Variants in KLC4 observed in about 807,000 individuals in gnomAD.
The protein encoded by KLC4 is kinesin-like protein 8.
KLC4 carries 49 observed loss-of-function variants against 77.2 expected under a neutral mutation model. The ratio of observed to expected loss-of-function variants is 0.63; its 90% CI spans 0.50 to 0.80. The LOEUF (loss-of-function observed/expected upper bound fraction) is 0.80, where lower values mean the gene tolerates loss of function less well. Among genes scored for constraint, KLC4 ranks in the 30% least tolerant of loss-of-function variants. The probability of loss-of-function intolerance (pLI) is 0.00; values close to 1 mark genes in which losing one functional copy is unlikely to be tolerated. For missense variants in KLC4, 669 were observed against 793.5 expected, an observed-to-expected ratio of 0.84 and a Z score of 1.89; for synonymous variants, 274 against 314.5, an observed-to-expected ratio of 0.87 and a Z score of 1.36.
intron 1 of KLC4, 27 bp from the exon 2 acceptor site, chr6:43,061,284 C>T: frequency 1.3e-6 from 2 of 1,594,252 alleles, no homozygotes; most frequent in Non-Finnish European, 1.7e-6. Flanking sequence ...ATCTTTACAC[C>T]AGCTGAACTC....
intron 2 of KLC4, 150 bp downstream of exon 2, chr6:43,061,743 G>T: frequency 1.2e-6 from 1 of 827,134 alleles, no homozygotes; most frequent in Non-Finnish European, 1.8e-6. Flanking sequence ...GTGCCAGAAT[G>T]CTTTTGGGCA....
chr6:43,071,239 G>T, intron 8 of KLC4, 36 bp from the exon 9 acceptor site: 249 of 1,034,374 alleles, frequency 2.4e-4, no homozygotes, highest in Middle Eastern at 5.3e-4. Flanking sequence ...CTCCCTCCAT[G>T]TTTTGTTCCT....
chr6:43,065,061 G>A (rs896370369), intron 3 of KLC4, among the ~76,000 whole-genome samples: 2 of 151,982 alleles, frequency 1.3e-5, no homozygotes, highest in Non-Finnish European at 2.9e-5. Context: ...GGTTAGAAAG[G>A]AAACTTTTTT....
chr6:43,061,165 C>G, intron 1 of KLC4, 146 bp from the exon 2 acceptor site: 1 of 795,466 alleles, frequency 1.3e-6, no homozygotes, highest in Non-Finnish European at 2.0e-6. Flanking sequence ...AAGCTCCCTG[C>G]CTGCTGGTCA....
Position 43,066,305 on chromosome 6 carries a change from G to C in KLC4, c.572-1G>C. ...TTTGTTTATGTTCTGTGATGGTTTA[G>C]TGTCCCGTGGTCAAGGTGCTACAGC... On this transcript the variant is annotated splice_acceptor_variant, in intron 4 of 15. Coordinates refer to ENST00000347162, the MANE Select transcript of KLC4 (RefSeq NM_201521.3). LOFTEE classifies it high-confidence loss of function. 6.2e-7 allele frequency: 1 copy of C among 1,613,394 alleles called. No homozygotes were observed. The highest frequency in any genetic ancestry group is 8.5e-7 in the Non-Finnish European group (1 of 1,179,328).
chr6:43,071,738 G>A, intron 10 of KLC4, 114 bp from the exon 11 acceptor site: 3 of 1,435,940 alleles, frequency 2.1e-6, no homozygotes, highest in South Asian at 2.4e-5. Flanking sequence ...GATGCATGGT[G>A]TCCTCCCCAG....
intron 3 of KLC4, among the ~76,000 whole-genome samples, chr6:43,063,523 C>A (rs1212844349): frequency 1.3e-5 from 2 of 151,972 alleles, no homozygotes; most frequent in Non-Finnish European, 2.9e-5. Context: ...TTGAGCATGA[C>A]CCTCCTAAAA....
In KLC4 at chr6:43,073,684, C is replaced by G. The variant is rs560320595; in HGVS notation, c.1746-218C>G. On this transcript the variant is annotated intron_variant, in intron 14 of 15. Coordinates refer to ENST00000347162, the MANE Select transcript of KLC4 (RefSeq NM_201521.3). ...GAAAAAAAAAAAAGATATGGTAAAGCAGGCAAGTAAAGTAAGCCCTTGCCT... is the reference window on the plus strand; with the variant it reads ...GAAAAAAAAAAAAGATATGGTAAAGGAGGCAAGTAAAGTAAGCCCTTGCCT... 3.0e-5 allele frequency: 17 copies of G among 571,942 alleles called. No individual in the cohort carries two copies. In the African/African-American group the frequency reaches 3.3e-4, roughly 11 times the overall value. The allele number at this position is 571,942 out of a possible 1,614,324, so 35.4% of individuals were successfully genotyped here. A position where few individuals can be genotyped will look rare whatever the true frequency, so the allele number is the denominator to read the frequency against.
At chr6:43,069,327 C>T (rs1219243641) in intron 6 of KLC4, among the ~76,000 whole-genome samples, 2 of 152,174 alleles carry the variant, frequency 1.3e-5, no homozygotes, top group East Asian at 1.9e-4. Flanking sequence ...TCACTGTAAT[C>T]TCTGCCTCCC....
At chr6:43,074,173 A>G (rs1431109291) in intron 15 of KLC4, among the ~76,000 whole-genome samples, 1 of 152,216 alleles carries the variant, frequency 6.6e-6, no homozygotes, top group Non-Finnish European at 1.5e-5. Context: ...ATAGTAGCAA[A>G]TAAGTTAATA....
rs760988041 is a variant in KLC4 at position 43,063,104 on chromosome 6, TC to T, written c.448del (p.Leu150TrpfsTer69). On this transcript the variant is annotated frameshift_variant, in exon 3 of 16. Transcript: ENST00000347162. LOFTEE classifies it high-confidence loss of function. ...GAGGAGGAAAAGAAGCACCTGGAGT[TC>T]CTGGGGCAGCTGCGGCAGTATGATG... ...QLEEEKKHLE[F>X]LGQLRQYDED... The T allele has an allele frequency of 6.2e-7, 1 of 1,614,040 alleles. No homozygotes were observed. The highest frequency in any genetic ancestry group is 8.5e-7 in the Non-Finnish European group (1 of 1,179,980).
chr6:43,059,807 C>T (rs1765039352), intron 1 of KLC4, 122 bp downstream of exon 1: 1 of 1,172,690 alleles, frequency 8.5e-7, no homozygotes, highest in Admixed American at 4.3e-5. Context: ...GCCTCCAAAA[C>T]TCCGCCCTTC....
chr6:43,061,935 G>T (rs188058272), intron 2 of KLC4, among the ~76,000 whole-genome samples: 93 of 152,282 alleles, frequency 6.1e-4, no homozygotes, highest in African/African-American at 2.0e-3. Context: ...TGGGGAGAGG[G>T]TATAATTTTA....
intron 6 of KLC4, among the ~76,000 whole-genome samples, chr6:43,067,641 C>CA (rs1252822145): frequency 6.7e-6 from 1 of 148,684 alleles, no homozygotes; most frequent in Admixed American, 6.7e-5. Context: ...AAAAAAAATA[C>CA]AAAAAATGCC....
At chr6:43,071,830 C>T (rs1418941985) in intron 10 of KLC4, 22 bp from the exon 11 acceptor site, 1 of 1,608,802 alleles carries the variant, frequency 6.2e-7, no homozygotes, top group Non-Finnish European at 8.5e-7. Flanking sequence ...GCCCTTCTTT[C>T]TGGCCTCTCT....
In KLC4 at chr6:43,072,191, G is replaced by A. The variant is rs967750343; in HGVS notation, c.1424G>A (p.Arg475Lys). The change falls in exon 12 of 16, where the codon AGG becomes AAG. Residue 475 changes from arginine (R) to lysine (K), a missense_variant. Physicochemically the swap from Arg to Lys is conservative, Grantham distance 26. Transcript: ENST00000347162. ...CTGAGAAACCTGGGAGCTCTGTATAGGCGCCAGGGAAAGCTGGAGGCTGCT... is the reference window on the plus strand; with the variant it reads ...CTGAGAAACCTGGGAGCTCTGTATAAGCGCCAGGGAAAGCTGGAGGCTGCT... ...TTLRNLGALY[R>K]RQGKLEAAET... 6.2e-7 allele frequency: 1 copy of A among 1,614,162 alleles called. No homozygotes were observed. Among genetic ancestry groups the A allele is most frequent in the Non-Finnish European group, 8.5e-7 (1 of 1,180,020 alleles).
intron 2 of KLC4, chr6:43,062,702 T>C (rs1765223500): frequency 1.7e-6 from 1 of 580,528 alleles, no homozygotes; most frequent in African/African-American, 1.9e-5. Flanking sequence ...ATAATTTGGG[T>C]AGGAATTGAT....
At position 43,071,616 on chromosome 6, in the gene KLC4, CAA is replaced by C. The variant is rs1279434648; in HGVS notation, c.1307_1308del (p.Ser437ProfsTer4). 6.2e-7 allele frequency: 1 copy of C among 1,613,354 alleles called. No homozygotes were observed. Among genetic ancestry groups the C allele is most frequent in the Non-Finnish European group, 8.5e-7 (1 of 1,179,752 alleles). On this transcript the variant is annotated frameshift_variant and splice_region_variant, in exon 10 of 16. Transcript: ENST00000347162. LOFTEE classifies it high-confidence loss of function. Reference protein sequence around the residue: ...MHAEEREEMSKSRHHEGGTPY... With the variant: ...MHAEEREEMSXSRHHEGGTPY... ...ATGCAGAGGAGCGGGAGGAAATGAG[CAA>C]AGTGAGTGGGGGGAAGGGGGGCCAG...
In KLC4 at chr6:43,063,113, A is replaced by C; in HGVS notation, c.455A>C (p.Gln152Pro). Residue 152 changes from glutamine to proline, a missense_variant, in exon 3 of 16, where the codon CAG (glutamine) becomes CCG (proline). Transcript: ENST00000347162. Reference sequence around the variant, plus strand: ...AAGAAGCACCTGGAGTTCCTGGGGCAGCTGCGGCAGTATGATGAGGATGGA... The same window carrying C: ...AAGAAGCACCTGGAGTTCCTGGGGCCGCTGCGGCAGTATGATGAGGATGGA... ...EEKKHLEFLG[Q>P]LRQYDEDGHT... The C allele has an allele frequency of 6.2e-7, 1 of 1,614,104 alleles. No homozygotes were observed. Among genetic ancestry groups the C allele is most frequent in the African/African-American group, 1.3e-5 (1 of 75,066 alleles).
Sources: allele counts gnomAD v4.1 joint callset (sites outside exome capture counted in the v4.1 genomes callset), GRCh38; gene constraint gnomAD v4.1.1; transcripts MANE v1.5; gene names NCBI Gene and HGNC (gene_info 2026-07-23, HGNC 2026-07-21).